The following LRRC4C variants were observed in gnomAD, a reference collection of about 807,000 sequenced individuals.
LRRC4C encodes the protein leucine-rich repeat-containing protein 4C.
In LRRC4C, 5 loss-of-function variants were observed where a neutral mutation model predicts 33.6. The ratio of observed to expected loss-of-function variants is 0.15; its 90% CI spans 0.08 to 0.31. The LOEUF is 0.31. Ranked by LOEUF, LRRC4C falls within the 10% of genes least tolerant of loss-of-function variation. The probability of loss-of-function intolerance (pLI) is 1.00; values close to 1 mark genes in which losing one functional copy is unlikely to be tolerated. For synonymous variants in LRRC4C, 329 were observed against 302.0 expected (o/e 1.09, Z -0.93); for missense variants, 560 against 796.7 (o/e 0.70, Z 3.58).
At chr11:41,281,082 T>TCTCTCTCTGTC (rs1949658681) in intron 1 of LRRC4C, among the ~76,000 whole-genome samples, 39 of 90,908 alleles carry the variant, frequency 4.3e-4, no homozygotes, top group Admixed American at 1.5e-3. Context: ...CTCTGTCCTC[T>TCTCTCTCTGTC]CTCTCTCTCT....
At chr11:40,944,530 A>G (rs2136633918) in intron 1 of LRRC4C, among the ~76,000 whole-genome samples, 1 of 152,270 alleles carries the variant, frequency 6.6e-6, no homozygotes, top group Non-Finnish European at 1.5e-5. Context: ...TAACAAGTCT[A>G]CTCTGGGCAA....
At chr11:40,153,655 A>G (rs1235938702) in intron 5 of LRRC4C, among the ~76,000 whole-genome samples, 2 of 152,162 alleles carry the variant, frequency 1.3e-5, no homozygotes, top group Non-Finnish European at 2.9e-5. Context: ...TGCTCTGGAA[A>G]GTCTCAGCAA....
chr11:40,627,308 C>G (rs1313283499), intron 3 of LRRC4C, among the ~76,000 whole-genome samples: 1 of 150,538 alleles, frequency 6.6e-6, no homozygotes, highest in African/African-American at 2.4e-5. Flanking sequence ...AGTCAGTCAT[C>G]ATTAATTAAA....
chr11:41,181,876 T>C (rs1236813851), intron 1 of LRRC4C, among the ~76,000 whole-genome samples: 1 of 152,226 alleles, frequency 6.6e-6, no homozygotes, highest in Non-Finnish European at 1.5e-5. Context: ...ATTTAGTATA[T>C]GCTAATGAAT....
At chr11:41,108,594 T>G (rs889935908) in intron 1 of LRRC4C, among the ~76,000 whole-genome samples, 2 of 152,250 alleles carry the variant, frequency 1.3e-5, no homozygotes, top group South Asian at 4.1e-4. Context: ...AAATATATTA[T>G]TTCCATTAAT....
At chr11:40,427,431 C>T (rs1187749531) in intron 3 of LRRC4C, among the ~76,000 whole-genome samples, 1 of 152,102 alleles carries the variant, frequency 6.6e-6, no homozygotes, top group Non-Finnish European at 1.5e-5. Context: ...CACTTGAATC[C>T]CAGAGGTGGA....
intron 1 of LRRC4C, among the ~76,000 whole-genome samples, chr11:41,018,053 T>C (rs1279369028): frequency 4.5e-5 from 6 of 133,638 alleles, no homozygotes; most frequent in African/African-American, 1.6e-4. Flanking sequence ...TTCTCAAAGA[T>C]TAGTTTATTC....
At chr11:41,420,533 C>T (rs1340487998) in intron 1 of LRRC4C, among the ~76,000 whole-genome samples, 1 of 152,020 alleles carries the variant, frequency 6.6e-6, no homozygotes, top group African/African-American at 2.4e-5. Flanking sequence ...ATTGCTAGTG[C>T]ATATTTTCCT....
intron 3 of LRRC4C, among the ~76,000 whole-genome samples, chr11:40,410,948 C>A (rs962818370): frequency 6.6e-6 from 1 of 151,964 alleles, no homozygotes; most frequent in African/African-American, 2.4e-5. Flanking sequence ...TAAAGTGCTG[C>A]AGTTAAAGCC....
intron 1 of LRRC4C, among the ~76,000 whole-genome samples, chr11:41,358,423 C>T (rs980846139): frequency 6.6e-6 from 1 of 152,136 alleles, no homozygotes; most frequent in Admixed American, 6.5e-5. Context: ...AAATTAAAAA[C>T]TTCTTCTCAT....
chr11:41,129,605 T>G (rs1182972241), intron 1 of LRRC4C, among the ~76,000 whole-genome samples: 1 of 151,958 alleles, frequency 6.6e-6, no homozygotes, highest in East Asian at 1.9e-4. Flanking sequence ...CCTCAATGGA[T>G]TATTTTTCCT....
At chr11:41,207,649 G>A (rs1312363410) in intron 1 of LRRC4C, among the ~76,000 whole-genome samples, 1 of 152,078 alleles carries the variant, frequency 6.6e-6, no homozygotes, top group African/African-American at 2.4e-5. Flanking sequence ...CTCTGTGCAT[G>A]CACAAAGCAA....
intron 1 of LRRC4C, among the ~76,000 whole-genome samples, chr11:41,366,514 C>T (rs2137728806): frequency 6.6e-6 from 1 of 152,062 alleles, no homozygotes; most frequent in African/African-American, 2.4e-5. Flanking sequence ...AATTTAATTT[C>T]TGCATAATGC....
At chr11:40,546,499 A>G (rs1956930949) in intron 3 of LRRC4C, among the ~76,000 whole-genome samples, 1 of 152,090 alleles carries the variant, frequency 6.6e-6, no homozygotes, top group Non-Finnish European at 1.5e-5. Flanking sequence ...CCTTATGCAT[A>G]GATGCACCCT....
At chr11:40,600,845 T>A (rs931626186) in intron 3 of LRRC4C, among the ~76,000 whole-genome samples, 1 of 146,956 alleles carries the variant, frequency 6.8e-6, no homozygotes, top group Non-Finnish European at 1.5e-5. Flanking sequence ...TTGGTTAAAT[T>A]TTCAGGAACA....
At chr11:41,292,910 G>A (rs368949396) in intron 1 of LRRC4C, among the ~76,000 whole-genome samples, 1 of 151,934 alleles carries the variant, frequency 6.6e-6, no homozygotes, top group Non-Finnish European at 1.5e-5. Context: ...TTCTAATTTA[G>A]GAAACACTGT....
intron 2 of LRRC4C, among the ~76,000 whole-genome samples, chr11:40,920,286 G>A (rs1371353041): frequency 3.3e-5 from 5 of 152,032 alleles, no homozygotes; most frequent in Non-Finnish European, 5.9e-5. Flanking sequence ...CTCCACTTCA[G>A]TCAAGTTTAA....
chr11:40,170,338 C>T (rs1380178456), intron 5 of LRRC4C, among the ~76,000 whole-genome samples: 2 of 152,144 alleles, frequency 1.3e-5, no homozygotes, highest in Non-Finnish European at 1.5e-5. Context: ...GGCAGAGAAC[C>T]TTGTGCATCC....
intron 1 of LRRC4C, among the ~76,000 whole-genome samples, chr11:41,114,803 G>A (rs1942031380): frequency 6.6e-6 from 1 of 152,068 alleles, no homozygotes; most frequent in South Asian, 2.1e-4. Flanking sequence ...AAAGAAAGTA[G>A]TAAATGATTC....
Sources: gnomAD v4.1 joint callset for allele counts (sites outside exome capture counted in the v4.1 genomes callset) on GRCh38, gnomAD v4.1.1 for gene constraint, MANE v1.5 for transcripts, NCBI Gene and HGNC (gene_info 2026-07-23, HGNC 2026-07-21) for gene names.